DENND4C: variants seen among roughly 807,000 people sequenced by gnomAD.
The protein encoded by DENND4C is DENN domain containing 4C.
Under a neutral mutation model 203.0 loss-of-function variants are expected in DENND4C, and 108 were observed. The observed-to-expected ratio is 0.53, with a 90% CI of 0.46 to 0.62. The LOEUF (loss-of-function observed/expected upper bound fraction) is 0.62. DENND4C is among the 20% of genes least tolerant of loss of function. The pLI is 0.00. For synonymous variants in DENND4C, 871 were observed against 792.4 expected (o/e 1.10, Z -1.67); for missense variants, 2,481 against 2,301.2 (o/e 1.08, Z -1.60).
At chr9:19,361,011 T>G (rs1336109319) in intron 29 of DENND4C, among the ~76,000 whole-genome samples, 2 of 152,120 alleles carry the variant, frequency 1.3e-5, no homozygotes, top group Admixed American at 1.3e-4. Flanking sequence ...GTAGCTGGGA[T>G]TACAGGCACC....
chr9:19,343,495 C>A (rs1011925029), intron 22 of DENND4C, among the ~76,000 whole-genome samples: 1 of 152,200 alleles, frequency 6.6e-6, no homozygotes, highest in African/African-American at 2.4e-5. Context: ...TATTGTATGA[C>A]TGTACAGAAA....
chr9:19,297,816 G>T (rs12000582), intron 6 of DENND4C, among the ~76,000 whole-genome samples: 143 of 152,142 alleles, frequency 9.4e-4, no homozygotes, highest in African/African-American at 3.3e-3. Flanking sequence ...ATTTTTATTT[G>T]TTGGGTAATG....
At chr9:19,323,627 A>T (rs1843252205) in intron 12 of DENND4C, among the ~76,000 whole-genome samples, 1 of 152,196 alleles carries the variant, frequency 6.6e-6, no homozygotes, top group South Asian at 2.1e-4. Flanking sequence ...GAATAGTCAG[A>T]TGCTTGAAAC....
chr9:19,273,413 ATGATC>A (rs1410242341), intron 1 of DENND4C, among the ~76,000 whole-genome samples: 1 of 152,040 alleles, frequency 6.6e-6, no homozygotes, highest in Non-Finnish European at 1.5e-5. Context: ...CATCGCAAGC[ATGATC>A]TGTAAGAGAA....
In DENND4C at chr9:19,369,829, AT is replaced by A. The variant is rs748108195; in HGVS notation, c.5525-6del. ...TTGAAAAAAAACTTACTGTGTTCTT[AT>A]TGTTAGATTCTGAAAAGAAATCATC... is the stretch of plus-strand genomic sequence containing the variant. On this transcript the variant is annotated splice_region_variant and splice_polypyrimidine_tract_variant and intron_variant, in intron 30 of 32. Transcript: ENST00000434457. 2 of 1,546,202 alleles carry A rather than the reference AT, an allele frequency of 1.3e-6. No homozygotes were observed. The highest frequency in any genetic ancestry group is 2.8e-5 in the African/African-American group (2 of 71,984).
chr9:19,318,724 T>C (rs1044155202), intron 12 of DENND4C, among the ~76,000 whole-genome samples: 3 of 152,222 alleles, frequency 2.0e-5, no homozygotes, highest in Non-Finnish European at 4.4e-5. Flanking sequence ...CTTCAGTGTT[T>C]GTTTTATGTC....
intron 31 of DENND4C, among the ~76,000 whole-genome samples, chr9:19,371,027 T>C (rs1828728961): frequency 6.6e-6 from 1 of 152,240 alleles, no homozygotes. Context: ...CATCTGTAGT[T>C]TAAGGACAGG....
At chr9:19,251,487 A>G (rs1395763065) in intron 1 of DENND4C, among the ~76,000 whole-genome samples, 1 of 151,844 alleles carries the variant, frequency 6.6e-6, no homozygotes, top group African/African-American at 2.4e-5. Context: ...TTAACATTCC[A>G]CTCTTCGTTA....
intron 5 of DENND4C, among the ~76,000 whole-genome samples, chr9:19,293,842 C>G (rs890073138): frequency 6.6e-6 from 1 of 152,164 alleles, no homozygotes; most frequent in Non-Finnish European, 1.5e-5. Context: ...CTCTGAAGGA[C>G]TGTTTCTTCA....
chr9:19,341,532 C>T (rs75963809), intron 21 of DENND4C, among the ~76,000 whole-genome samples: 272 of 151,818 alleles, frequency 1.8e-3, no homozygotes, highest in Non-Finnish European at 3.2e-3. Context: ...CTAGTCTTGA[C>T]CTACTGAGCT....
intron 1 of DENND4C, among the ~76,000 whole-genome samples, chr9:19,236,150 G>T (rs558042264): frequency 1.3e-5 from 2 of 151,948 alleles, no homozygotes; most frequent in African/African-American, 4.8e-5. Flanking sequence ...ATGGAAAGAG[G>T]ATCTATTAAA....
chr9:19,350,883 T>G lies in DENND4C; in HGVS notation c.4495+4T>G, dbSNP rs371950060. On this transcript the variant is annotated splice_donor_region_variant and intron_variant, in intron 24 of 32. Transcript: ENST00000434457. Reference sequence around the variant, plus strand: ...GGAAAACTGCATTATCCAACAGGTATGGGGAAGGATTATCCTTTCTTCATT... The same window carrying G: ...GGAAAACTGCATTATCCAACAGGTAGGGGGAAGGATTATCCTTTCTTCATT... The G allele has an allele frequency of 2.4e-5, 39 of 1,603,904 alleles. No homozygotes were observed. The African/African-American group carries it at 4.0e-4, about 17-fold the overall frequency.
chr9:19,272,455 G>A (rs1439530902), intron 1 of DENND4C, among the ~76,000 whole-genome samples: 1 of 151,660 alleles, frequency 6.6e-6, no homozygotes, highest in Non-Finnish European at 1.5e-5. Context: ...ACAAAAAAAT[G>A]TTTCCCAGGC....
intron 2 of DENND4C, among the ~76,000 whole-genome samples, chr9:19,284,504 T>C (rs1834800138): frequency 6.6e-6 from 1 of 152,180 alleles, no homozygotes; most frequent in Non-Finnish European, 1.5e-5. Context: ...AAAAGATAAA[T>C]GTGTAAATAA....
intron 30 of DENND4C, among the ~76,000 whole-genome samples, chr9:19,367,798 GA>G (rs1295960539): frequency 5.9e-5 from 9 of 152,304 alleles, no homozygotes; most frequent in Admixed American, 4.6e-4. Context: ...CCATACAATG[GA>G]ATTTCATTTG....
chr9:19,265,440 T>TTTTA (rs138768884), intron 1 of DENND4C, among the ~76,000 whole-genome samples: 9 of 150,212 alleles, frequency 6.0e-5, no homozygotes, highest in East Asian at 5.8e-4. Context: ...TCTTTTTTAT[T>TTTTA]TTTATTTATT....
chr9:19,340,754 C>T (rs1301862594), intron 20 of DENND4C, among the ~76,000 whole-genome samples: 1 of 152,152 alleles, frequency 6.6e-6, no homozygotes, highest in East Asian at 1.9e-4. Flanking sequence ...TTTTAATTTA[C>T]AGATGAAGAA....
chr9:19,259,518 T>TG, intron 1 of DENND4C, among the ~76,000 whole-genome samples: 1 of 150,998 alleles, frequency 6.6e-6, no homozygotes, highest in Admixed American at 6.6e-5. Flanking sequence ...TTTTTTTTTT[T>TG]TTTGAGATGG....
chr9:19,365,547 A>T (rs577320135), intron 30 of DENND4C, among the ~76,000 whole-genome samples: 1 of 152,234 alleles, frequency 6.6e-6, no homozygotes, highest in Non-Finnish European at 1.5e-5. Flanking sequence ...GTAATTAGTC[A>T]AGAAAAGAAA....
Sources: allele counts gnomAD v4.1 joint callset (sites outside exome capture counted in the v4.1 genomes callset), GRCh38; gene constraint gnomAD v4.1.1; transcripts MANE v1.5; gene names NCBI Gene and HGNC (gene_info 2026-07-23, HGNC 2026-07-21).